Variants in LPP observed in about 807,000 individuals in gnomAD.
LPP encodes LIM domain containing preferred translocation partner in lipoma.
Under a neutral mutation model 60.4 loss-of-function variants are expected in LPP, and 38 were observed. The ratio of observed to expected loss-of-function variants is 0.63; its 90% CI spans 0.49 to 0.83. The LOEUF (loss-of-function observed/expected upper bound fraction) is 0.83, where lower values mean the gene tolerates loss of function less well. LPP is among the 40% of genes least tolerant of loss of function. The pLI is 0.00. For missense variants in LPP, 902 were observed against 783.6 expected, an observed-to-expected ratio of 1.15 and a Z score of -1.80; for synonymous variants, 328 against 290.8, an observed-to-expected ratio of 1.13 and a Z score of -1.30.
intron 2 of LPP, among the ~76,000 whole-genome samples, chr3:188,237,173 C>T (rs776264655): frequency 5.3e-5 from 8 of 152,150 alleles, no homozygotes; most frequent in Non-Finnish European, 1.2e-4. Context: ...TAAGAAGCCC[C>T]TCCTTATCCA....
intron 7 of LPP, among the ~76,000 whole-genome samples, chr3:188,684,653 A>G (rs955750363): frequency 5.3e-5 from 8 of 152,114 alleles, no homozygotes; most frequent in African/African-American, 1.7e-4. Flanking sequence ...ACTTTTCAAT[A>G]TGCCATTACC....
At chr3:188,220,253 T>G (rs927429651) in intron 1 of LPP, among the ~76,000 whole-genome samples, 5 of 139,514 alleles carry the variant, frequency 3.6e-5, no homozygotes, top group Non-Finnish European at 6.1e-5. Context: ...CTTTCCTTTG[T>G]TGTCATGACT....
At chr3:188,687,534 G>A (rs1038511331) in intron 7 of LPP, among the ~76,000 whole-genome samples, 1 of 152,112 alleles carries the variant, frequency 6.6e-6, no homozygotes, top group Non-Finnish European at 1.5e-5. Flanking sequence ...CTGCCACCTT[G>A]TGAAGAAGGT....
At position 188,609,674 on chromosome 3, in the gene LPP, C is replaced by T. The variant is rs746510037; in HGVS notation, c.943C>T (p.Pro315Ser). The T allele has an allele frequency of 2.5e-6, 4 of 1,614,090 alleles. No homozygotes were observed. Among genetic ancestry groups the T allele is most frequent in the Non-Finnish European group, 3.4e-6 (4 of 1,180,014 alleles). Residue 315 changes from proline (P) to serine (S), a missense_variant, in exon 7 of 12, where the codon CCT becomes TCT. Physicochemically the swap from Pro to Ser is moderately conservative, Grantham distance 74. Transcript: ENST00000617246. The surrounding 1 kb of genome is among the most constrained non-coding windows in gnomAD (Gnocchi z 6.9). The part of the protein sequence containing the change: ...PGYGGRNDSD[P>S]TYGQQGHPNT... ...CTATGGGGGCAGAAATGACTCTGACCCTACCTATGGTCAACAAGGTCACCC... is the reference window on the plus strand; with the variant it reads ...CTATGGGGGCAGAAATGACTCTGACTCTACCTATGGTCAACAAGGTCACCC...
chr3:188,604,073 A>G (rs933714011), intron 6 of LPP, among the ~76,000 whole-genome samples: 2 of 151,856 alleles, frequency 1.3e-5, no homozygotes, highest in Non-Finnish European at 1.5e-5. Flanking sequence ...ACATTGGAAA[A>G]TTTTCTAAGT....
At chr3:188,237,840 T>C (rs983905581) in intron 2 of LPP, among the ~76,000 whole-genome samples, 2 of 152,228 alleles carry the variant, frequency 1.3e-5, no homozygotes, top group African/African-American at 4.8e-5. Context: ...AATGAGCATT[T>C]GCTTCAACTT....
chr3:188,729,142 G>C (rs1394795985), intron 8 of LPP, among the ~76,000 whole-genome samples: 1 of 152,180 alleles, frequency 6.6e-6, no homozygotes, highest in Non-Finnish European at 1.5e-5. Flanking sequence ...AAAGATGTTA[G>C]ATACAGAAGA....
At chr3:188,442,020 C>G (rs1794107486) in intron 4 of LPP, among the ~76,000 whole-genome samples, 1 of 152,180 alleles carries the variant, frequency 6.6e-6, no homozygotes, top group African/African-American at 2.4e-5. Flanking sequence ...ATCATTGTAT[C>G]TTAGGGGTCT....
chr3:188,794,616 A>C (rs1744783573), intron 9 of LPP, among the ~76,000 whole-genome samples: 1 of 152,214 alleles, frequency 6.6e-6, no homozygotes, highest in Non-Finnish European at 1.5e-5. Context: ...TTTGAGATTC[A>C]GCACAAAAAA....
intron 2 of LPP, among the ~76,000 whole-genome samples, chr3:188,264,788 CTG>C (rs35154681): frequency 1.3e-5 from 2 of 151,480 alleles, no homozygotes; most frequent in East Asian, 1.9e-4. Flanking sequence ...CTCTCTCTCT[CTG>C]TGTGTGTCTC....
At chr3:188,378,605 G>A (rs531235390) in intron 3 of LPP, among the ~76,000 whole-genome samples, 110 of 152,212 alleles carry the variant, frequency 7.2e-4, no homozygotes, top group African/African-American at 2.3e-3. Flanking sequence ...TCCAGGTGCC[G>A]TCTGTCATCC....
intron 5 of LPP, among the ~76,000 whole-genome samples, chr3:188,485,601 T>C (rs1159231078): frequency 6.6e-6 from 1 of 150,980 alleles, no homozygotes; most frequent in Non-Finnish European, 1.5e-5. Flanking sequence ...ATCGAGACCA[T>C]CCCGGCTAAA....
intron 4 of LPP, among the ~76,000 whole-genome samples, chr3:188,447,299 A>G (rs1047297882): frequency 2.0e-5 from 3 of 152,170 alleles, no homozygotes; most frequent in African/African-American, 4.8e-5. Flanking sequence ...TTTACAGGGC[A>G]TATATAAGGT....
intron 8 of LPP, among the ~76,000 whole-genome samples, chr3:188,724,029 C>T (rs1006423251): frequency 5.9e-5 from 9 of 152,052 alleles, no homozygotes; most frequent in Admixed American, 5.9e-4. Flanking sequence ...TAGAGGTTCT[C>T]TAGTCTGATT....
At chr3:188,237,067 T>C (rs565319321) in intron 2 of LPP, among the ~76,000 whole-genome samples, 2 of 152,136 alleles carry the variant, frequency 1.3e-5, no homozygotes, top group South Asian at 4.2e-4. Context: ...ATGAAATATT[T>C]GATATACTTT....
Position 188,866,240 on chromosome 3 carries a change from T to C in LPP, c.1451T>C (p.Met484Thr). The change falls in exon 10 of 12, where the codon ATG becomes ACG. Residue 484 changes from methionine to threonine, a missense_variant. Physicochemically the swap from Met to Thr is moderately conservative, Grantham distance 81. Transcript: ENST00000617246. ...EQCNVCSKPI[M>T]ERILRATGKA... ...TGCAATGTGTGTTCCAAGCCCATCA[T>C]GGAGCGGATTCTCCGAGCCACCGGG... 1.3e-6 allele frequency: 2 copies of C among 1,580,494 alleles called. No individual in the cohort carries two copies. The highest frequency in any genetic ancestry group is 2.3e-5 in the South Asian group (2 of 86,214).
intron 7 of LPP, among the ~76,000 whole-genome samples, chr3:188,613,314 A>ACC (rs1553944283): frequency 6.9e-6 from 1 of 144,388 alleles, no homozygotes; most frequent in South Asian, 2.2e-4. Flanking sequence ...CTATATCTAT[A>ACC]TATATCGCTG....
At chr3:188,173,867 T>C (rs964183128) in intron 1 of LPP, among the ~76,000 whole-genome samples, 1 of 152,208 alleles carries the variant, frequency 6.6e-6, no homozygotes, top group Non-Finnish European at 1.5e-5. Context: ...GTTGAATAAA[T>C]GAGTGAGCAA....
intron 7 of LPP, among the ~76,000 whole-genome samples, chr3:188,644,432 G>A (rs1440260651): frequency 6.6e-6 from 1 of 152,150 alleles, no homozygotes; most frequent in Non-Finnish European, 1.5e-5. Context: ...GTGACTCTGA[G>A]CAAAGATAAA....
Sources: allele counts gnomAD v4.1 joint callset (sites outside exome capture counted in the v4.1 genomes callset), GRCh38; gene constraint gnomAD v4.1.1; non-coding constraint Gnocchi (gnomAD v3.1); transcripts MANE v1.5; gene names NCBI Gene and HGNC (gene_info 2026-07-23, HGNC 2026-07-21).